SLC35D1: variants seen among roughly 807,000 people sequenced by gnomAD.
SLC35D1 encodes the protein solute carrier family 35 member D1.
In SLC35D1, 31 loss-of-function variants were observed where a neutral mutation model predicts 46.7. The observed-to-expected ratio is 0.66, with a 90% CI of 0.50 to 0.90. The LOEUF is 0.90. Ranked by LOEUF, SLC35D1 falls within the 40% of genes least tolerant of loss-of-function variation. The pLI, the probability that SLC35D1 is intolerant of heterozygous loss-of-function variation, is 0.00. For missense variants in SLC35D1, 397 were observed against 426.2 expected (o/e 0.93, Z 0.60); for synonymous variants, 195 against 164.6 (o/e 1.18, Z -1.41).
At chr1:66,990,734 T>C in the SLC35D1 span, among the ~76,000 whole-genome samples, 1 of 152,238 alleles carries the variant, frequency 6.6e-6, no homozygotes, top group South Asian at 2.1e-4. Flanking sequence ...GAAGGTCATA[T>C]GCCAAAAGTA....
chr1:66,992,921 T>A, the SLC35D1 span, among the ~76,000 whole-genome samples: 1 of 152,246 alleles, frequency 6.6e-6, no homozygotes, highest in African/African-American at 2.4e-5. Context: ...ACAGCACTAA[T>A]TATAAAACAA....
the SLC35D1 span, chr1:66,985,769 A>G: frequency 2.1e-6 from 2 of 946,630 alleles, no homozygotes; most frequent in Non-Finnish European, 2.5e-6. Context: ...TAATTAAGTC[A>G]TATTTCTTAT....
chr1:66,997,720 T>C (rs1044636416), downstream of SLC35D1, among the ~76,000 whole-genome samples: 1 of 146,186 alleles, frequency 6.8e-6, no homozygotes, highest in African/African-American at 2.5e-5. Flanking sequence ...AATTACAAAA[T>C]TCTTAGAAAA....
At chr1:66,985,779 T>C in the SLC35D1 span, 2 of 928,430 alleles carry the variant, frequency 2.2e-6, no homozygotes, top group Non-Finnish European at 2.6e-6. Context: ...ATATTTCTTA[T>C]CCAGGTGGTT....
At chr1:66,994,299 C>T in the SLC35D1 span, among the ~76,000 whole-genome samples, 3 of 152,124 alleles carry the variant, frequency 2.0e-5, no homozygotes, top group African/African-American at 7.2e-5. Flanking sequence ...CCAGTTTGAT[C>T]CAGAGAGAAG....
intron 10 of SLC35D1, among the ~76,000 whole-genome samples, chr1:67,011,388 A>C (rs1341028511): frequency 6.6e-6 from 1 of 152,188 alleles, no homozygotes; most frequent in African/African-American, 2.4e-5. Flanking sequence ...CATAAGGATA[A>C]AAATTTCTTA....
At chr1:67,013,742 A>T (rs1667624073) in intron 10 of SLC35D1, among the ~76,000 whole-genome samples, 2 of 152,054 alleles carry the variant, frequency 1.3e-5, no homozygotes, top group Non-Finnish European at 2.9e-5. Flanking sequence ...TGTGTGTGTG[A>T]GAGATGAGTG....
At chr1:67,052,731 C>T (rs1312343014) in intron 3 of SLC35D1, 40 bp downstream of exon 3, 6 of 1,604,562 alleles carry the variant, frequency 3.7e-6, no homozygotes, top group Non-Finnish European at 5.1e-6. Context: ...TACATACTGA[C>T]TTCATTTCAC....
chr1:67,028,446 T>C (rs1160884680), intron 8 of SLC35D1, among the ~76,000 whole-genome samples: 1 of 152,198 alleles, frequency 6.6e-6, no homozygotes, highest in Admixed American at 6.5e-5. Context: ...AAGATCCCAA[T>C]TGTAATTGTG....
At chr1:67,018,283 A>G (rs898046169) in intron 10 of SLC35D1, among the ~76,000 whole-genome samples, 1 of 152,194 alleles carries the variant, frequency 6.6e-6, no homozygotes, top group Non-Finnish European at 1.5e-5. Context: ...AGGAAAGTGT[A>G]TAACAGGACG....
chr1:66,976,021 T>G, the SLC35D1 span, among the ~76,000 whole-genome samples: 2 of 152,108 alleles, frequency 1.3e-5, no homozygotes, highest in Non-Finnish European at 2.9e-5. Flanking sequence ...TGAGTCTCAT[T>G]CTGTCACCCA....
intron 8 of SLC35D1, among the ~76,000 whole-genome samples, chr1:67,041,852 C>T (rs1645191005): frequency 6.6e-6 from 1 of 151,992 alleles, no homozygotes; most frequent in South Asian, 2.1e-4. Context: ...CTAGCAATGC[C>T]TAGCATTTTG....
Position 67,052,850 on chromosome 1 carries a change from G to A in SLC35D1, c.245C>T (p.Ala82Val). The A allele has an allele frequency of 1.9e-6, 3 of 1,614,052 alleles. No homozygotes were observed. Among genetic ancestry groups the A allele is most frequent in the Non-Finnish European group, 2.5e-6 (3 of 1,180,016 alleles). ...TCCCACCCAGAGAACTGCCACTGTGGCCACCATCTGTAAACAAGAGAACAC... is the reference window on the plus strand; with the variant it reads ...TCCCACCCAGAGAACTGCCACTGTGACCACCATCTGTAAACAAGAGAACAC... ...SLCVGLGQMV[A>V]TVAVLWVGKA... The change falls in exon 3 of 12, where the codon GCC (alanine) becomes GTC (valine). Residue 82 changes from alanine to valine, a missense_variant. Physicochemically the swap from Ala to Val is moderately conservative, Grantham distance 64 (BLOSUM62 0). Transcript: ENST00000235345.
At chr1:67,032,829 A>C (rs751923943) in intron 8 of SLC35D1, among the ~76,000 whole-genome samples, 14 of 152,124 alleles carry the variant, frequency 9.2e-5, no homozygotes, top group Non-Finnish European at 1.6e-4. Flanking sequence ...GCTACCAAAT[A>C]CTAGTTCTTA....
intron 7 of SLC35D1, among the ~76,000 whole-genome samples, chr1:67,044,951 C>G (rs906504268): frequency 6.6e-6 from 1 of 152,130 alleles, no homozygotes; most frequent in African/African-American, 2.4e-5. Flanking sequence ...TGCCTTACTG[C>G]CTCTGGGATA....
intron 7 of SLC35D1, among the ~76,000 whole-genome samples, chr1:67,045,479 T>C (rs561131396): frequency 6.6e-6 from 1 of 152,238 alleles, no homozygotes; most frequent in African/African-American, 2.4e-5. Flanking sequence ...TTTATACTGC[T>C]GGTAAACCTC....
the SLC35D1 span, among the ~76,000 whole-genome samples, chr1:66,978,958 G>T: frequency 1.3e-5 from 2 of 152,084 alleles, no homozygotes; most frequent in African/African-American, 4.8e-5. Context: ...TATTCTTTAG[G>T]TAGAGTGGCC....
chr1:66,997,056 A>G (rs961983053), downstream of SLC35D1, among the ~76,000 whole-genome samples: 1 of 152,204 alleles, frequency 6.6e-6, no homozygotes, highest in Non-Finnish European at 1.5e-5. Flanking sequence ...ATTTGGCAGC[A>G]TATCTTGGAT....
chr1:66,977,109 T>C, the SLC35D1 span, among the ~76,000 whole-genome samples: 14 of 151,862 alleles, frequency 9.2e-5, no homozygotes, highest in African/African-American at 3.4e-4. Context: ...ACAGTTTTAA[T>C]CTTCTTTTTT....
Sources: gnomAD v4.1 joint callset for allele counts (sites outside exome capture counted in the v4.1 genomes callset) on GRCh38, gnomAD v4.1.1 for gene constraint, MANE v1.5 for transcripts, NCBI Gene and HGNC (gene_info 2026-07-23, HGNC 2026-07-21) for gene names.